SARDH: variants seen among roughly 807,000 people sequenced by gnomAD.
The protein encoded by SARDH is sarcosine dehydrogenase.
A neutral mutation model predicts 109.1 loss-of-function variants in SARDH; 95 were observed. That is an observed-to-expected ratio of 0.87 (90% CI 0.74 to 1.03). The LOEUF is 1.03. Among genes scored for constraint, SARDH ranks in the 50% least tolerant of loss-of-function variants. The pLI is 0.00. For synonymous variants in SARDH, 572 were observed against 534.8 expected (o/e 1.07, Z -0.96); for missense variants, 1,267 against 1,287.8 (o/e 0.98, Z 0.25).
At chr9:133,703,990 G>C (rs1235235389) in intron 12 of SARDH, among the ~76,000 whole-genome samples, 1 of 152,114 alleles carries the variant, frequency 6.6e-6, no homozygotes, top group African/African-American at 2.4e-5. Context: ...CCTCGCCCAG[G>C]GACAGGGGAG....
chr9:133,725,081 C>T (rs1037281455), intron 6 of SARDH, among the ~76,000 whole-genome samples: 3 of 152,078 alleles, frequency 2.0e-5, no homozygotes, highest in African/African-American at 7.2e-5. Flanking sequence ...AATACTGATA[C>T]ATGTACTACA....
rs1831986677 is a variant in SARDH at position 133,713,032 on chromosome 9, A to G, written c.1237+6T>C. 2 of 1,608,412 alleles carry G rather than the reference A, an allele frequency of 1.2e-6. No individual in the cohort carries two copies. Among genetic ancestry groups the G allele is most frequent in the South Asian group, 1.1e-5 (1 of 89,938 alleles). On this transcript the variant is annotated splice_donor_region_variant and intron_variant, in intron 9 of 20. Coordinates refer to ENST00000439388, the MANE Select transcript of SARDH (RefSeq NM_001134707.2). ...GGGGGCCAGGAGGGCTGCTGCCCGG[A>G]CTCACCTGCGCTGTTGAAGCCACAG...
At chr9:133,685,658 T>G (rs557338693) in intron 16 of SARDH, among the ~76,000 whole-genome samples, 1 of 152,146 alleles carries the variant, frequency 6.6e-6, no homozygotes, top group Admixed American at 6.5e-5. Flanking sequence ...CAATCCACAA[T>G]CCACATCCCC....
intron 17 of SARDH, among the ~76,000 whole-genome samples, chr9:133,683,425 C>A (rs1244419776): frequency 6.6e-6 from 1 of 152,258 alleles, no homozygotes; most frequent in African/African-American, 2.4e-5. Context: ...AGCCCCCCTC[C>A]CCTTCTGCAA....
intron 1 of SARDH, among the ~76,000 whole-genome samples, chr9:133,736,390 G>GT (rs35126944): frequency 0.18 from 27,092 of 150,260 alleles, 2,859 homozygotes; most frequent in East Asian, 0.28. Context: ...TGTTGTTGTT[G>GT]TTGTTTGTTT....
At position 133,682,019 on chromosome 9, in the gene SARDH, C is replaced by T. The variant is rs148329862; in HGVS notation, c.2163+3174G>A. Among the ~76,000 whole-genome samples the T allele has an allele frequency of 8.8e-3, 1,336 of 151,828 alleles. 13 individuals are homozygous for T. Among genetic ancestry groups the T allele is most frequent in the Middle Eastern group, 0.044 (13 of 294 alleles). On this transcript the variant is annotated intron_variant, in intron 17 of 20. Transcript: ENST00000439388. ...TGGGCAAGCGAGGGGCGCAGAAATA[C>T]GGAAGGACAGAGAAGAACACACCAC...
intron 15 of SARDH, 111 bp from the exon 16 acceptor site, chr9:133,690,638 C>CA: frequency 7.9e-7 from 1 of 1,267,538 alleles, no homozygotes; most frequent in Non-Finnish European, 1.1e-6. Context: ...CTCTCAGGGG[C>CA]CTGTGCCTTC....
At chr9:133,733,288 A>G (rs1164356173) in intron 2 of SARDH, among the ~76,000 whole-genome samples, 1 of 152,240 alleles carries the variant, frequency 6.6e-6, no homozygotes, top group East Asian at 1.9e-4. Context: ...TGTTCACACC[A>G]CAGGAACTGG....
intron 17 of SARDH, among the ~76,000 whole-genome samples, chr9:133,680,786 G>A (rs1052574577): frequency 2.6e-5 from 4 of 152,216 alleles, no homozygotes; most frequent in African/African-American, 9.6e-5. Flanking sequence ...CCAGACACAC[G>A]CAGACCTGGC....
At chr9:133,711,865 C>T (rs1038232209) in intron 10 of SARDH, among the ~76,000 whole-genome samples, 1 of 152,172 alleles carries the variant, frequency 6.6e-6, no homozygotes, top group East Asian at 1.9e-4. Context: ...GCCACAGGCC[C>T]TGCTGTGTGG....
At chr9:133,702,849 C>A (rs1432220323) in intron 13 of SARDH, 67 bp downstream of exon 13, 1 of 1,457,676 alleles carries the variant, frequency 6.9e-7, no homozygotes, top group African/African-American at 1.4e-5. Flanking sequence ...AGCCGAGGGC[C>A]GGCGCAATGG....
downstream of SARDH, among the ~76,000 whole-genome samples, chr9:133,662,548 C>A (rs1045037174): frequency 1.3e-5 from 2 of 152,228 alleles, no homozygotes; most frequent in African/African-American, 4.8e-5. This position sits in a 1 kb window ranked among gnomAD's most constrained non-coding sequence, Gnocchi z 5.1. Flanking sequence ...TGGTCTCCAG[C>A]CGCAGCCCCC....
intron 3 of SARDH, among the ~76,000 whole-genome samples, chr9:133,732,139 G>A (rs955745394): frequency 2.6e-5 from 4 of 152,138 alleles, no homozygotes; most frequent in Admixed American, 2.0e-4. Context: ...GTCACCTGCC[G>A]GGGCTCCTTC....
Position 133,733,935 on chromosome 9 carries a change from T to TGGCA in SARDH, c.235_238dup (p.Gln80LeufsTer42). On this transcript the variant is annotated frameshift_variant, in exon 2 of 21. Coordinates refer to ENST00000439388, the MANE Select transcript of SARDH (RefSeq NM_001134707.2). LOFTEE classifies it high-confidence loss of function. ...CAGCTTGGCCAGGTGGTACAGGGTC[T>TGGCA]GGCAGCCCAAGCTGCCTCCACCAAT... 6 of 1,596,996 alleles carry TGGCA rather than the reference T, an allele frequency of 3.8e-6. No individual in the cohort carries two copies. Among genetic ancestry groups the TGGCA allele is most frequent in the Non-Finnish European group, 5.1e-6 (6 of 1,171,388 alleles).
chr9:133,667,968 A>G (rs1830132540), intron 19 of SARDH, among the ~76,000 whole-genome samples: 1 of 152,130 alleles, frequency 6.6e-6, no homozygotes, highest in Non-Finnish European at 1.5e-5. Flanking sequence ...GCAACAGTCC[A>G]GAGCCGCGGC....
downstream of SARDH, among the ~76,000 whole-genome samples, chr9:133,660,670 G>GT (rs1832401366): frequency 6.6e-6 from 1 of 152,120 alleles, no homozygotes; most frequent in Non-Finnish European, 1.5e-5. Context: ...CGAGGAGAGG[G>GT]TTCCCCAGCC....
intron 19 of SARDH, among the ~76,000 whole-genome samples, chr9:133,668,009 A>T (rs887755593): frequency 3.9e-5 from 6 of 152,046 alleles, no homozygotes; most frequent in Non-Finnish European, 7.4e-5. Flanking sequence ...CCTGACAGGA[A>T]ACCCCTGAGC....
In SARDH at chr9:133,733,809, C is replaced by A. The variant is rs769581426; in HGVS notation, c.331+34G>T. 4.2e-6 allele frequency: 6 copies of A among 1,441,090 alleles called. No individual in the cohort carries two copies. The African/African-American group carries it at 5.8e-5, about 14-fold the overall frequency. 89.3% of individuals were successfully genotyped at this position (1,441,090 alleles called of 1,614,324 possible). A position where few individuals can be genotyped will look rare whatever the true frequency, so the allele number is the denominator to read the frequency against. On this transcript the variant is annotated intron_variant, in intron 2 of 20. Coordinates refer to ENST00000439388, the MANE Select transcript of SARDH (RefSeq NM_001134707.2). ...GCTGTGGCCCCTCGCTATGTCCTAT[C>A]CTTCCCTGCCCCTACCTGGCCCCCG...
intron 20 of SARDH, 79 bp from the exon 21 acceptor site, chr9:133,664,093 G>A: frequency 6.4e-7 from 1 of 1,556,712 alleles, no homozygotes; most frequent in Non-Finnish European, 8.7e-7. Flanking sequence ...TCTGGAGGAG[G>A]GGGTCTTGGT....
Sources: allele counts gnomAD v4.1 joint callset (sites outside exome capture counted in the v4.1 genomes callset), GRCh38; gene constraint gnomAD v4.1.1; non-coding constraint Gnocchi (gnomAD v3.1); transcripts MANE v1.5; gene names NCBI Gene and HGNC (gene_info 2026-07-23, HGNC 2026-07-21).